The following TMEM14A variants were observed in gnomAD, a reference collection of about 807,000 sequenced individuals.
TMEM14A encodes transmembrane protein 14A.
In TMEM14A, 8 loss-of-function variants were observed where a neutral mutation model predicts 11.6. That is an observed-to-expected ratio of 0.69 (90% CI 0.40 to 1.24). The LOEUF is 1.24. Among genes scored for constraint, TMEM14A ranks in the 50% most tolerant of loss-of-function variants. The pLI is 0.01. For synonymous variants in TMEM14A, 34 were observed against 45.5 expected (o/e 0.75, Z 1.02); for missense variants, 108 against 121.9 (o/e 0.89, Z 0.54).
In TMEM14A at chr6:52,686,498, AT is replaced by A; in HGVS notation, c.*456del. 5.2e-6 allele frequency: 2 copies of A among 382,940 alleles called. No individual in the cohort carries two copies. Among genetic ancestry groups the A allele is most frequent in the Non-Finnish European group, 9.3e-6 (2 of 215,132 alleles). The allele number at this position is 382,940 out of a possible 1,614,324, so 23.7% of individuals were successfully genotyped here. On this transcript the variant is annotated 3_prime_UTR_variant, in exon 5 of 5. Coordinates refer to ENST00000211314, the MANE Select transcript of TMEM14A (RefSeq NM_014051.4). Reference sequence around the variant, plus strand: ...TTTTAATTGTATTGCTGCCAGTGCTATTTTTTTCTTTAAAAAATTTTATTCT... The same window carrying A: ...TTTTAATTGTATTGCTGCCAGTGCTATTTTTTCTTTAAAAAATTTTATTCT...
At chr6:52,679,488 G>T (rs1453976165) in intron 2 of TMEM14A, among the ~76,000 whole-genome samples, 4 of 152,228 alleles carry the variant, frequency 2.6e-5, no homozygotes, top group Admixed American at 2.6e-4. Flanking sequence ...CTATTTGGAC[G>T]ACCATAAGAG....
rs1238069846 is a variant in TMEM14A at position 52,680,657 on chromosome 6, GTATATATATGTGTA to G, written c.71-1146_71-1133del. On this transcript the variant is annotated intron_variant, in intron 2 of 4. Transcript: ENST00000211314. Reference sequence around the variant, plus strand: ...TATATGTGTGTATATATATGTGTGTGTATATATATGTGTATATATATATATACATATATGTATAT... The same window carrying G: ...TATATGTGTGTATATATATGTGTGTGTATATATATATACATATATGTATAT... Among the ~76,000 whole-genome samples, 5 of 46,660 alleles carry G rather than the reference GTATATATATGTGTA, an allele frequency of 1.1e-4. 1 individual carries two copies. In the Admixed American group the frequency reaches 1.6e-3, roughly 15 times the overall value. 30.6% of individuals were successfully genotyped at this position (46,660 alleles called of 152,430 possible).
chr6:52,673,707 C>CTA (rs1221641720), intron 1 of TMEM14A, among the ~76,000 whole-genome samples: 2 of 152,160 alleles, frequency 1.3e-5, no homozygotes, highest in African/African-American at 2.4e-5. Flanking sequence ...CTGTGTTGTA[C>CTA]TATAGTTCCT....
In TMEM14A at chr6:52,686,303, A is replaced by G. The variant is rs547663163; in HGVS notation, c.*254A>G. ...ATATACTCTTCCATTTGTTGTGTCT[A>G]TTTTTTATATATTTGGTATTTTTTG... On this transcript the variant is annotated 3_prime_UTR_variant, in exon 5 of 5. Transcript: ENST00000211314. 18 of 399,978 alleles carry G rather than the reference A, an allele frequency of 4.5e-5. No individual in the cohort carries two copies. The highest frequency in any genetic ancestry group is 7.9e-5 in the Non-Finnish European group (18 of 226,522). The allele number at this position is 399,978 out of a possible 1,614,324, so 24.8% of individuals were successfully genotyped here.
At chr6:52,683,531 T>C (rs1769433864) in intron 3 of TMEM14A, among the ~76,000 whole-genome samples, 1 of 152,096 alleles carries the variant, frequency 6.6e-6, no homozygotes, top group Admixed American at 6.5e-5. Flanking sequence ...TTGAAGATAT[T>C]TCAGGAATGG....
At chr6:52,682,002 T>C (rs1769400693) in intron 3 of TMEM14A, 88 bp downstream of exon 3, 3 of 1,110,948 alleles carry the variant, frequency 2.7e-6, no homozygotes, top group Admixed American at 4.5e-5. Context: ...TAGAACATAT[T>C]TAGTCAAATG....
intron 4 of TMEM14A, among the ~76,000 whole-genome samples, chr6:52,685,693 G>T (rs973455555): frequency 2.6e-5 from 4 of 152,090 alleles, no homozygotes. Flanking sequence ...GCCCCAAGTT[G>T]GTCCTCGATT....
chr6:52,684,129 A>G lies in TMEM14A; in HGVS notation c.224A>G (p.Lys75Arg). ...TIMGVRFKRS[K>R]KIMPAGLVAG... ...ATGGGTGTGAGATTTAAGAGGTCCA[A>G]GAAAATAATGCCTGCTGGTTTGGTT... Residue 75 changes from lysine to arginine, a missense_variant, in exon 4 of 5, where the codon AAG (lysine) becomes AGG (arginine). Coordinates refer to ENST00000211314, the MANE Select transcript of TMEM14A (RefSeq NM_014051.4). 6.2e-7 allele frequency: 1 copy of G among 1,613,964 alleles called. No homozygotes were observed. The highest frequency in any genetic ancestry group is 8.5e-7 in the Non-Finnish European group (1 of 1,179,896).
In TMEM14A at chr6:52,680,669, G is replaced by GTGTGTATATATA. The variant is rs1769360469; in HGVS notation, c.71-1143_71-1142insGTGTATATATAT. ...TATATATGTGTGTGTATATATATGT[G>GTGTGTATATATA]TATATATATATATACATATATGTAT... On this transcript the variant is annotated intron_variant, in intron 2 of 4. Transcript: ENST00000211314. Among the ~76,000 whole-genome samples, 235 of 35,950 alleles carry GTGTGTATATATA rather than the reference G, an allele frequency of 6.5e-3. 4 individuals carry two copies. The highest frequency in any genetic ancestry group is 9.8e-3 in the Non-Finnish European group (160 of 16,396). The allele number at this position is 35,950 out of a possible 152,430, so 23.6% of individuals were successfully genotyped here.
chr6:52,676,334 C>G (rs1168648199), intron 1 of TMEM14A, among the ~76,000 whole-genome samples: 1 of 152,138 alleles, frequency 6.6e-6, no homozygotes, highest in Non-Finnish European at 1.5e-5. Context: ...CTCATTGCAA[C>G]CTCAACCTCC....
intron 2 of TMEM14A, among the ~76,000 whole-genome samples, chr6:52,680,600 T>TATATAC (rs1769350490): frequency 7.8e-6 from 1 of 128,820 alleles, no homozygotes; most frequent in Non-Finnish European, 1.7e-5. Context: ...TATTTATATA[T>TATATAC]ATATATATAT....
intron 3 of TMEM14A, 60 bp from the exon 4 acceptor site, chr6:52,684,018 T>G: frequency 6.6e-7 from 1 of 1,505,336 alleles, no homozygotes; most frequent in Non-Finnish European, 9.2e-7. Context: ...ACCCGCTGTT[T>G]TCCCACAAGC....
intron 2 of TMEM14A, among the ~76,000 whole-genome samples, chr6:52,679,927 G>A (rs908989770): frequency 6.6e-6 from 1 of 152,034 alleles, no homozygotes; most frequent in African/African-American, 2.4e-5. Context: ...TATACAGAAA[G>A]GAGCATCATA....
chr6:52,684,696 A>G (rs562083199), intron 4 of TMEM14A, among the ~76,000 whole-genome samples: 1 of 152,362 alleles, frequency 6.6e-6, no homozygotes, highest in Admixed American at 6.5e-5. Flanking sequence ...CCAAATAAAA[A>G]TTTAGAGATA....
Position 52,680,398 on chromosome 6 carries a change from A to G in TMEM14A, c.71-1415A>G, listed in dbSNP as rs191211012. 2.3e-3 allele frequency among the ~76,000 whole-genome samples: 355 copies of G among 151,516 alleles called. 1 individual carries two copies. Among genetic ancestry groups the G allele is most frequent in the African/African-American group, 8.3e-3 (342 of 41,322 alleles). ...ACTGAAAGAAGGCCAGGGTTCCCAC[A>G]ATATAGCAAACTGGATTATTTTTCC... On this transcript the variant is annotated intron_variant, in intron 2 of 4. Transcript: ENST00000211314.
intron 2 of TMEM14A, among the ~76,000 whole-genome samples, chr6:52,678,019 T>G (rs12207609): frequency 0.099 from 15,065 of 152,108 alleles, 1,011 homozygotes; most frequent in Non-Finnish European, 0.15. Context: ...TCACCTTGGA[T>G]TTTTGTTCGT....
At chr6:52,682,498 T>A (rs756496723) in intron 3 of TMEM14A, among the ~76,000 whole-genome samples, 1 of 152,072 alleles carries the variant, frequency 6.6e-6, no homozygotes, top group Non-Finnish European at 1.5e-5. Context: ...ACATTTTCTC[T>A]AGTTGATTTA....
intron 2 of TMEM14A, among the ~76,000 whole-genome samples, chr6:52,680,343 A>G (rs1022108805): frequency 3.3e-5 from 5 of 151,750 alleles, no homozygotes; most frequent in South Asian, 2.1e-4. Flanking sequence ...TCTGAAAGCC[A>G]TGACGAATAG....
chr6:52,684,521 G>C lies in TMEM14A; in HGVS notation c.260+356G>C, dbSNP rs577033875. 2.0e-5 allele frequency among the ~76,000 whole-genome samples: 3 copies of C among 152,296 alleles called. No individual in the cohort carries two copies. In the South Asian group the frequency reaches 6.2e-4, roughly 32 times the overall value. ...TCAGTCCCTTTTAGAGAGTTTGACAGAGTGACAGTGTGATACAGTTATTTC... is the reference window on the plus strand; with the variant it reads ...TCAGTCCCTTTTAGAGAGTTTGACACAGTGACAGTGTGATACAGTTATTTC... On this transcript the variant is annotated intron_variant, in intron 4 of 4. Transcript: ENST00000211314.
Sources: gnomAD v4.1 joint callset for allele counts (sites outside exome capture counted in the v4.1 genomes callset) on GRCh38, gnomAD v4.1.1 for gene constraint, MANE v1.5 for transcripts, NCBI Gene and HGNC (gene_info 2026-07-23, HGNC 2026-07-21) for gene names.